Variants in KCNK13 observed in about 807,000 individuals in gnomAD.
The protein encoded by KCNK13 is potassium two pore domain channel subfamily K member 13, also known as potassium channel subfamily K member 13.
KCNK13 carries 12 observed loss-of-function variants against 23.4 expected under a neutral mutation model. The ratio of observed to expected loss-of-function variants is 0.51; its 90% CI spans 0.33 to 0.83. KCNK13 has a LOEUF of 0.83. Among genes scored for constraint, KCNK13 ranks in the 40% least tolerant of loss-of-function variants. The probability of loss-of-function intolerance (pLI) is 0.02; values close to 1 mark genes in which losing one functional copy is unlikely to be tolerated. For synonymous variants in KCNK13, 231 were observed against 229.5 expected (o/e 1.01, Z -0.06); for missense variants, 463 against 556.3 (o/e 0.83, Z 1.69).
intron 1 of KCNK13, among the ~76,000 whole-genome samples, chr14:90,168,279 A>G (rs777191914): frequency 8.6e-5 from 13 of 151,918 alleles, no homozygotes; most frequent in Non-Finnish European, 1.6e-4. Flanking sequence ...GCTGAGGTGG[A>G]AGGATTGCTT....
At chr14:90,122,318 TA>T (rs1005454681) in intron 1 of KCNK13, among the ~76,000 whole-genome samples, 1 of 125,364 alleles carries the variant, frequency 8.0e-6, no homozygotes, top group African/African-American at 3.4e-5. Flanking sequence ...TTTTCACCCA[TA>T]ATTTTTTTTT....
At chr14:90,132,203 T>C (rs1004094001) in intron 1 of KCNK13, among the ~76,000 whole-genome samples, 37 of 152,308 alleles carry the variant, frequency 2.4e-4, no homozygotes, top group African/African-American at 8.7e-4. Flanking sequence ...GAGTGTGTAA[T>C]TCCATTGATA....
chr14:90,155,066 G>A (rs570983623), intron 1 of KCNK13, among the ~76,000 whole-genome samples: 2 of 152,214 alleles, frequency 1.3e-5, no homozygotes, highest in Non-Finnish European at 2.9e-5. Flanking sequence ...AAAATATATG[G>A]TATATCATAC....
chr14:90,095,167 A>G (rs1313560491), intron 1 of KCNK13, among the ~76,000 whole-genome samples: 1 of 152,224 alleles, frequency 6.6e-6, no homozygotes, highest in Non-Finnish European at 1.5e-5. Context: ...AAAAAAGGCA[A>G]CACCATCAAG....
At chr14:90,103,716 C>T (rs950301784) in intron 1 of KCNK13, among the ~76,000 whole-genome samples, 1 of 152,140 alleles carries the variant, frequency 6.6e-6, no homozygotes, top group Non-Finnish European at 1.5e-5. Context: ...GCTCCCACTA[C>T]CTTCCCCGGC....
chr14:90,123,659 T>A (rs112967108), intron 1 of KCNK13, among the ~76,000 whole-genome samples: 105 of 152,018 alleles, frequency 6.9e-4, no homozygotes, highest in African/African-American at 2.4e-3. Flanking sequence ...TGAGACAGAG[T>A]CTCATTCTGT....
At chr14:90,110,780 G>A (rs762831131) in intron 1 of KCNK13, among the ~76,000 whole-genome samples, 4 of 151,752 alleles carry the variant, frequency 2.6e-5, no homozygotes, top group Non-Finnish European at 5.9e-5. Flanking sequence ...AGGCCGAGGC[G>A]GGCAGATCAC....
At chr14:90,107,280 C>G (rs1176726408) in intron 1 of KCNK13, among the ~76,000 whole-genome samples, 1 of 152,140 alleles carries the variant, frequency 6.6e-6, no homozygotes, top group African/African-American at 2.4e-5. Context: ...GAGATTGAGA[C>G]CATCCTGGCT....
chr14:90,139,049 G>C (rs914902826), intron 1 of KCNK13, among the ~76,000 whole-genome samples: 5 of 152,166 alleles, frequency 3.3e-5, no homozygotes, highest in Non-Finnish European at 5.9e-5. Flanking sequence ...GGCTCAGAAG[G>C]CTCTAGAAGG....
intron 1 of KCNK13, among the ~76,000 whole-genome samples, chr14:90,161,377 T>C (rs1432743291): frequency 2.0e-5 from 3 of 152,184 alleles, no homozygotes; most frequent in African/African-American, 7.2e-5. Context: ...TAGTGGTGAT[T>C]GTACACATCA....
chr14:90,164,153 T>A (rs1254649602), intron 1 of KCNK13, among the ~76,000 whole-genome samples: 4 of 152,218 alleles, frequency 2.6e-5, no homozygotes, highest in African/African-American at 4.8e-5. Flanking sequence ...AAAATGCCAT[T>A]GCGTTACAAT....
At chr14:90,134,895 GAGAAGAAAACAC>G (rs1438742713) in intron 1 of KCNK13, among the ~76,000 whole-genome samples, 4 of 152,196 alleles carry the variant, frequency 2.6e-5, no homozygotes, top group Admixed American at 6.5e-5. Flanking sequence ...AGGAACTACT[GAGAAGAAAACAC>G]TTTCCTAGAT....
chr14:90,163,974 G>A (rs2140439789), intron 1 of KCNK13, among the ~76,000 whole-genome samples: 1 of 152,314 alleles, frequency 6.6e-6, no homozygotes, highest in Admixed American at 6.5e-5. Context: ...TTACAGGCAT[G>A]AGCCACTGTG....
At chr14:90,143,605 G>A (rs1347060064) in intron 1 of KCNK13, among the ~76,000 whole-genome samples, 1 of 152,102 alleles carries the variant, frequency 6.6e-6, no homozygotes. Context: ...TGTAAGTCTT[G>A]TGAAAAGAAA....
chr14:90,184,784 C>T lies in KCNK13; in HGVS notation c.1008C>T (p.Asp336=). 1 of 1,612,856 alleles carries T rather than the reference C, an allele frequency of 6.2e-7. No individual in the cohort carries two copies. Among genetic ancestry groups the T allele is most frequent in the Non-Finnish European group, 8.5e-7 (1 of 1,178,992 alleles). ...SIETDGVAES[D]TDGRRLSGEM... is the part of the protein sequence containing the mutation. ...AGACAGACGGGGTGGCAGAGAGTGACACGGACGGGCGCCGGCTCTCAGGGG... is the reference window on the plus strand; with the variant it reads ...AGACAGACGGGGTGGCAGAGAGTGATACGGACGGGCGCCGGCTCTCAGGGG... Residue 336 remains aspartate, a synonymous_variant, in exon 2 of 2, where the codon GAC becomes GAT. Coordinates refer to ENST00000282146, the MANE Select transcript of KCNK13 (RefSeq NM_022054.4). This position sits in a 1 kb window ranked among gnomAD's most constrained non-coding sequence, Gnocchi z 5.6.
chr14:90,175,280 T>C (rs562156371), intron 1 of KCNK13, among the ~76,000 whole-genome samples: 4 of 152,258 alleles, frequency 2.6e-5, no homozygotes, highest in African/African-American at 9.6e-5. Context: ...TGCTTGTGGG[T>C]TTGGGAGTGG....
At chr14:90,159,974 T>C (rs930323543) in intron 1 of KCNK13, among the ~76,000 whole-genome samples, 40 of 146,986 alleles carry the variant, frequency 2.7e-4, no homozygotes, top group African/African-American at 8.3e-4. Flanking sequence ...TGTGTGTGTG[T>C]GCACATGCAT....
At chr14:90,088,388 G>GT (rs541318996) in intron 1 of KCNK13, among the ~76,000 whole-genome samples, 3,640 of 152,266 alleles carry the variant, frequency 0.024, 97 homozygotes, top group Non-Finnish European at 0.033. Context: ...TTTCTGTGGT[G>GT]TAAATATTCC....
chr14:90,138,766 A>G (rs1448171680), intron 1 of KCNK13, among the ~76,000 whole-genome samples: 1 of 152,172 alleles, frequency 6.6e-6, no homozygotes, highest in African/African-American at 2.4e-5. Context: ...AGCTGCACCC[A>G]TGGGGCCTTT....
Sources: gnomAD v4.1 joint callset for allele counts (sites outside exome capture counted in the v4.1 genomes callset) on GRCh38, gnomAD v4.1.1 for gene constraint, Gnocchi (gnomAD v3.1) non-coding constraint, MANE v1.5 for transcripts, NCBI Gene and HGNC (gene_info 2026-07-23, HGNC 2026-07-21) for gene names.